EAPP: variants seen among roughly 807,000 people sequenced by gnomAD.
The protein encoded by EAPP is E2F associated phosphoprotein, also known as E2F-associated phosphoprotein.
Under a neutral mutation model 34.3 loss-of-function variants are expected in EAPP, and 38 were observed. The observed-to-expected ratio is 1.11, with a 90% CI of 0.85 to 1.45. The LOEUF is 1.45. EAPP is among the 40% of genes most tolerant of loss of function. The pLI is 0.00. For missense variants in EAPP, 338 were observed against 343.7 expected, an observed-to-expected ratio of 0.98 and a Z score of 0.13; for synonymous variants, 113 against 117.6, an observed-to-expected ratio of 0.96 and a Z score of 0.25.
At chr14:34,532,040 C>T (rs1594668088) in intron 3 of EAPP, among the ~76,000 whole-genome samples, 1 of 148,690 alleles carries the variant, frequency 6.7e-6, no homozygotes, top group East Asian at 2.0e-4. Flanking sequence ...TGCGCCACTG[C>T]ACTCCAGCCT....
At chr14:34,539,243 A>G (rs1159962145) in intron 1 of EAPP, 4 of 560,630 alleles carry the variant, frequency 7.1e-6, no homozygotes, top group African/African-American at 1.9e-5. Context: ...GTAATCGAGG[A>G]TAACTGACTT....
At chr14:34,537,995 T>C (rs887055729) in intron 1 of EAPP, among the ~76,000 whole-genome samples, 1 of 152,234 alleles carries the variant, frequency 6.6e-6, no homozygotes, top group Non-Finnish European at 1.5e-5. Flanking sequence ...CAATACTGTC[T>C]GATAACATTG....
At chr14:34,535,902 TAATAA>T (rs1880456355) in intron 2 of EAPP, 187 bp downstream of exon 2, 1 of 513,126 alleles carries the variant, frequency 1.9e-6, no homozygotes, top group Non-Finnish European at 3.3e-6. Flanking sequence ...GAATCTAAAG[TAATAA>T]ATAAATAACT....
At chr14:34,517,776 AAATT>A (rs1297358036) in intron 5 of EAPP, among the ~76,000 whole-genome samples, 1 of 151,188 alleles carries the variant, frequency 6.6e-6, no homozygotes, top group Admixed American at 6.6e-5. Flanking sequence ...TTTATTTAAT[AAATT>A]AATTTTTTTT....
intron 3 of EAPP, among the ~76,000 whole-genome samples, chr14:34,533,238 T>G (rs1880353930): frequency 6.6e-6 from 1 of 151,986 alleles, no homozygotes; most frequent in Non-Finnish European, 1.5e-5. Flanking sequence ...TTTCACCAAG[T>G]TGGTCAGGCT....
Position 34,537,870 on chromosome 14 carries a change from C to T in EAPP, c.75-1595G>A, listed in dbSNP as rs145627896. ...CGGTCAGCTACCGTGAAACAGTTAA[C>T]AGGCTACAATGTATTAGTTTATAAA... On this transcript the variant is annotated intron_variant, in intron 1 of 5. Transcript: ENST00000250454. 6.6e-5 allele frequency among the ~76,000 whole-genome samples: 10 copies of T among 152,310 alleles called. No individual in the cohort carries two copies. The East Asian group carries it at 1.9e-3, about 29-fold the overall frequency.
In EAPP at chr14:34,533,523, A is replaced by G. The variant is rs761913421; in HGVS notation, c.273T>C (p.Asn91=). 3 of 1,590,888 alleles carry G rather than the reference A, an allele frequency of 1.9e-6. No homozygotes were observed. In the South Asian group the frequency reaches 3.4e-5, roughly 18 times the overall value. Residue 91 remains asparagine (N), a synonymous_variant, in exon 3 of 6, where the codon AAT becomes AAC. Transcript: ENST00000250454. ...TTGTCGGAGCTGTTGCAACTTTTCC[A>G]TTTCCTGAGGAAGATCCTATTCAAA... ...SSLGTGSSSG[N]GKVATAPTRY...
At chr14:34,520,443 C>T (rs1594657637) in intron 5 of EAPP, among the ~76,000 whole-genome samples, 1 of 152,108 alleles carries the variant, frequency 6.6e-6, no homozygotes, top group East Asian at 1.9e-4. Flanking sequence ...CTCCTGACCT[C>T]AGGTGATCCA....
intron 4 of EAPP, among the ~76,000 whole-genome samples, chr14:34,528,554 T>A (rs1028383230): frequency 1.0e-4 from 15 of 150,688 alleles, no homozygotes; most frequent in African/African-American, 3.4e-4. Flanking sequence ...CCTGAGTAGC[T>A]GGAATTACAG....
Position 34,516,425 on chromosome 14 carries a change from GTC to G in EAPP, c.741_742del (p.Glu247AspfsTer14). 6.2e-7 allele frequency: 1 copy of G among 1,614,170 alleles called. No individual in the cohort carries two copies. The highest frequency in any genetic ancestry group is 8.5e-7 in the Non-Finnish European group (1 of 1,180,026). On this transcript the variant is annotated frameshift_variant, in exon 6 of 6. Coordinates refer to ENST00000250454, the MANE Select transcript of EAPP (RefSeq NM_018453.4). LOFTEE classifies it high-confidence loss of function. ...TGGGTGATAGATTTCTTCCACATCT[GTC>G]TCTGCCTTCTCGGCAGCATCTTCCC...
intron 1 of EAPP, 72 bp from the exon 2 acceptor site, chr14:34,536,347 A>C: frequency 2.5e-4 from 290 of 1,178,330 alleles, no homozygotes; most frequent in Non-Finnish European, 3.1e-4. Flanking sequence ...CCAGCATCTC[A>C]CTGTCCAACA....
chr14:34,516,243 A>G lies in EAPP; in HGVS notation c.*67T>C. ...TGTCACTGAAGGATATGAACAGGCAAGAGGAAAGTAACTGTCCATATTTGC... is the reference window on the plus strand; with the variant it reads ...TGTCACTGAAGGATATGAACAGGCAGGAGGAAAGTAACTGTCCATATTTGC... On this transcript the variant is annotated 3_prime_UTR_variant, in exon 6 of 6. Coordinates refer to ENST00000250454, the MANE Select transcript of EAPP (RefSeq NM_018453.4). The G allele has an allele frequency of 1.4e-6, 2 of 1,436,202 alleles. No homozygotes were observed. The highest frequency in any genetic ancestry group is 1.9e-6 in the Non-Finnish European group (2 of 1,062,042). 89.0% of individuals were successfully genotyped at this position (1,436,202 alleles called of 1,614,324 possible). A position where few individuals can be genotyped will look rare whatever the true frequency, so the allele number is the denominator to read the frequency against.
chr14:34,536,397 T>C (rs1163853959), intron 1 of EAPP, 122 bp from the exon 2 acceptor site: 4 of 642,902 alleles, frequency 6.2e-6, no homozygotes, highest in East Asian at 3.0e-5. Context: ...GATGTACTTA[T>C]ACATTACATA....
intron 3 of EAPP, among the ~76,000 whole-genome samples, chr14:34,532,354 G>A (rs1880324514): frequency 6.6e-6 from 1 of 151,948 alleles, no homozygotes; most frequent in Admixed American, 6.6e-5. Context: ...AGCTACTCAA[G>A]AGGCTGAGGC....
Position 34,516,397 on chromosome 14 carries a change from G to C in EAPP, c.771C>G (p.Val257=), listed in dbSNP as rs1361636928. The C allele has an allele frequency of 4.3e-6, 7 of 1,614,196 alleles. No homozygotes were observed. Among genetic ancestry groups the C allele is most frequent in the Non-Finnish European group, 5.9e-6 (7 of 1,180,036 alleles). The part of the protein sequence containing the change: ...ETDVEEIYHP[V]MCTECSTEVA... ...CTTCAGTGGAACATTCAGTGCACAT[G>C]ACTGGGTGATAGATTTCTTCCACAT... The change falls in exon 6 of 6, where the codon GTC becomes GTG. Residue 257 remains valine (V), a synonymous_variant. Transcript: ENST00000250454.
chr14:34,516,560 C>T lies in EAPP; in HGVS notation c.608G>A (p.Arg203Lys). The change falls in exon 6 of 6, where the codon AGA becomes AAA. Residue 203 changes from arginine (R) to lysine (K), a missense_variant. By Grantham distance (26) the Arg-to-Lys change is conservative (BLOSUM62 2). Coordinates refer to ENST00000250454, the MANE Select transcript of EAPP (RefSeq NM_018453.4). The stretch of plus-strand genomic sequence containing the variant: ...AGAACAATTCATTACAAACATTGCT[C>T]TATATTGAGTTTTGTATGATTCATG... ...QRHESYKTQY[R>K]AMFVMNCSIN... 6.2e-7 allele frequency: 1 copy of T among 1,613,426 alleles called. No individual in the cohort carries two copies.
At chr14:34,532,423 T>A (rs1880326499) in intron 3 of EAPP, among the ~76,000 whole-genome samples, 2 of 147,932 alleles carry the variant, frequency 1.4e-5, no homozygotes, top group South Asian at 4.3e-4. Context: ...GGTGGTGCCA[T>A]CGCACTCCAG....
At chr14:34,537,000 CTTTT>C (rs933288090) in intron 1 of EAPP, among the ~76,000 whole-genome samples, 1 of 150,048 alleles carries the variant, frequency 6.7e-6, no homozygotes, top group South Asian at 2.1e-4. Flanking sequence ...TGTATTATTT[CTTTT>C]TTTTTTATTA....
intron 1 of EAPP, 62 bp downstream of exon 1, chr14:34,539,493 G>T (rs765959208): frequency 1.9e-6 from 3 of 1,550,472 alleles, no homozygotes; most frequent in Non-Finnish European, 2.6e-6. Flanking sequence ...GCAACGAATG[G>T]AGGCGACCAA....
Sources: gnomAD v4.1 joint callset for allele counts (sites outside exome capture counted in the v4.1 genomes callset) on GRCh38, gnomAD v4.1.1 for gene constraint, MANE v1.5 for transcripts, NCBI Gene and HGNC (gene_info 2026-07-23, HGNC 2026-07-21) for gene names.